PEAK1: variants seen among roughly 807,000 people sequenced by gnomAD.
PEAK1 encodes inactive tyrosine-protein kinase PEAK1.
A neutral mutation model predicts 124.7 loss-of-function variants in PEAK1; 54 were observed. The ratio of observed to expected loss-of-function variants is 0.43; its 90% CI spans 0.35 to 0.54. The LOEUF (loss-of-function observed/expected upper bound fraction) is 0.54. Among genes scored for constraint, PEAK1 ranks in the 20% least tolerant of loss-of-function variants. The pLI is 0.01. For synonymous variants in PEAK1, 719 were observed against 760.0 expected, an observed-to-expected ratio of 0.95 and a Z score of 0.89; for missense variants, 2,046 against 2,134.5, an observed-to-expected ratio of 0.96 and a Z score of 0.82.
intron 1 of PEAK1, among the ~76,000 whole-genome samples, chr15:77,384,267 T>C (rs1018405391): frequency 6.6e-5 from 10 of 152,090 alleles, no homozygotes; most frequent in African/African-American, 2.2e-4. Flanking sequence ...CAGCCACCTG[T>C]TTTAGATATT....
chr15:77,374,297 A>G (rs1256358214), intron 1 of PEAK1, among the ~76,000 whole-genome samples: 1 of 152,186 alleles, frequency 6.6e-6, no homozygotes, highest in African/African-American at 2.4e-5. Flanking sequence ...AGATACTTCT[A>G]ATTAGTTTTA....
At chr15:77,327,689 TA>T (rs1394666480) in intron 2 of PEAK1, among the ~76,000 whole-genome samples, 1 of 151,942 alleles carries the variant, frequency 6.6e-6, no homozygotes, top group South Asian at 2.1e-4. Flanking sequence ...CCTGAAAAAC[TA>T]AAACACTAAA....
At chr15:77,404,321 T>C (rs1263089257) in intron 1 of PEAK1, 5 of 985,380 alleles carry the variant, frequency 5.1e-6, no homozygotes, top group South Asian at 4.7e-5. Flanking sequence ...GGAAATTCCA[T>C]GTTCTAGGAC....
In PEAK1 at chr15:77,115,290, C is replaced by T. The variant is rs1409874320; in HGVS notation, c.4107G>A (p.Gln1369=). Residue 1369 remains glutamine (Q), a synonymous_variant, in exon 10 of 10, where the codon CAG becomes CAA. Coordinates refer to ENST00000682557, the MANE Select transcript of PEAK1 (RefSeq NM_001385026.1). ...GGACAGCCAAGCTGTGATAATACTG[C>T]TGAGATTCTTTAGCTTTGCTCTTAC... ...KICKSKAKES[Q]QYYHSLAVRQ... is the part of the protein sequence containing the mutation. The T allele has an allele frequency of 6.2e-7, 1 of 1,613,602 alleles. No homozygotes were observed. Among genetic ancestry groups the T allele is most frequent in the Non-Finnish European group, 8.5e-7 (1 of 1,179,570 alleles).
rs948862434 is a variant in PEAK1, at chr15:77,189,462, A to G, written c.-114-7422T>C. 3.9e-5 allele frequency among the ~76,000 whole-genome samples: 6 copies of G among 152,242 alleles called. No individual in the cohort carries two copies. In the East Asian group the frequency reaches 1.2e-3, roughly 29 times the overall value. ...ACACAGCAGCAGCAGCAGCAGCAGCACTGTCCACCATAGTGGAATTCCACC... is the reference window on the plus strand; with the variant it reads ...ACACAGCAGCAGCAGCAGCAGCAGCGCTGTCCACCATAGTGGAATTCCACC... On this transcript the variant is annotated intron_variant, in intron 6 of 9. Transcript: ENST00000682557.
chr15:77,104,837 T>C (rs977820404), downstream of PEAK1: 3 of 152,218 alleles, frequency 2.0e-5, no homozygotes, highest in African/African-American at 4.8e-5. Context: ...GGGATAATTC[T>C]AGAAACCACC....
intron 2 of PEAK1, among the ~76,000 whole-genome samples, chr15:77,359,385 A>G (rs1364768399): frequency 1.3e-5 from 2 of 151,748 alleles, no homozygotes; most frequent in South Asian, 2.1e-4. Flanking sequence ...GGCTGCAGTG[A>G]GCCATGTTCA....
At chr15:77,309,183 G>C (rs549389424) in intron 2 of PEAK1, among the ~76,000 whole-genome samples, 4 of 152,210 alleles carry the variant, frequency 2.6e-5, no homozygotes, top group Admixed American at 6.5e-5. Context: ...AGATGAATAT[G>C]TCTTTTCTCA....
intron 2 of PEAK1, among the ~76,000 whole-genome samples, chr15:77,316,512 T>C (rs1287187735): frequency 6.6e-6 from 1 of 152,204 alleles, no homozygotes; most frequent in African/African-American, 2.4e-5. Flanking sequence ...CTTACATAGC[T>C]CCCTGTACTG....
intron 1 of PEAK1, among the ~76,000 whole-genome samples, chr15:77,407,300 C>T (rs1419960706): frequency 1.3e-5 from 2 of 152,152 alleles, no homozygotes; most frequent in Non-Finnish European, 2.9e-5. Flanking sequence ...AGCTTCTGCA[C>T]AGCAAACGAA....
chr15:77,408,477 A>C (rs1298295828), intron 1 of PEAK1, among the ~76,000 whole-genome samples: 1 of 152,034 alleles, frequency 6.6e-6, no homozygotes, highest in Non-Finnish European at 1.5e-5. Flanking sequence ...AGAAATCACC[A>C]CTAAAGAACT....
chr15:77,116,029 C>G (rs1299041253), intron 9 of PEAK1, among the ~76,000 whole-genome samples: 21 of 152,018 alleles, frequency 1.4e-4, no homozygotes, highest in Admixed American at 1.4e-3. Flanking sequence ...CATTTAATAC[C>G]CACTATTGAG....
chr15:77,183,527 C>G (rs2057387973), intron 6 of PEAK1, among the ~76,000 whole-genome samples: 1 of 152,018 alleles, frequency 6.6e-6, no homozygotes, highest in African/African-American at 2.4e-5. Flanking sequence ...TAACTTTGAA[C>G]CCCCATCAAG....
chr15:77,217,154 G>C (rs1464636089), intron 6 of PEAK1, among the ~76,000 whole-genome samples: 1 of 144,228 alleles, frequency 6.9e-6, no homozygotes, highest in Non-Finnish European at 1.5e-5. Context: ...ACTTGAGTAT[G>C]AGATGTCGAG....
intron 1 of PEAK1, among the ~76,000 whole-genome samples, chr15:77,371,834 A>G (rs193124635): frequency 1.1e-3 from 161 of 152,356 alleles, no homozygotes; most frequent in Non-Finnish European, 1.6e-3. Context: ...CAGTGACCTG[A>G]GATCGCGCCA....
At position 77,108,448 on chromosome 15, in the gene PEAK1, T is replaced by C. The variant is rs1314842355; in HGVS notation, c.*5708A>G. 6.6e-6 allele frequency: 1 copy of C among 152,220 alleles called. No individual in the cohort carries two copies. Among genetic ancestry groups the C allele is most frequent in the East Asian group, 1.9e-4 (1 of 5,200 alleles). 9.4% of individuals were successfully genotyped at this position (152,220 alleles called of 1,614,324 possible). ...CAAGTAGAATGAAATCTTGCTTCTGTATTTGCCTCATGCCAAAATGCCCTG... is the reference window on the plus strand; with the variant it reads ...CAAGTAGAATGAAATCTTGCTTCTGCATTTGCCTCATGCCAAAATGCCCTG... On this transcript the variant is annotated 3_prime_UTR_variant, in exon 10 of 10. Coordinates refer to ENST00000682557, the MANE Select transcript of PEAK1 (RefSeq NM_001385026.1).
intron 2 of PEAK1, chr15:77,350,188 C>G (rs2067123052): frequency 1.1e-5 from 11 of 985,280 alleles, no homozygotes; most frequent in Non-Finnish European, 1.3e-5. Flanking sequence ...TACTAACTGG[C>G]AACACTGTTG....
At chr15:77,224,630 C>T (rs1441185199) in intron 6 of PEAK1, among the ~76,000 whole-genome samples, 1 of 152,020 alleles carries the variant, frequency 6.6e-6, no homozygotes, top group East Asian at 1.9e-4. Context: ...GCCAATATTT[C>T]CTGTTGTGCT....
At chr15:77,381,017 A>G (rs17470529) in intron 1 of PEAK1, among the ~76,000 whole-genome samples, 33,541 of 152,204 alleles carry the variant, frequency 0.22, 4,212 homozygotes, top group Middle Eastern at 0.3. Context: ...GATTTGCCTT[A>G]TTAGGTCAGC....
Sources: allele counts gnomAD v4.1 joint callset (sites outside exome capture counted in the v4.1 genomes callset), GRCh38; gene constraint gnomAD v4.1.1; transcripts MANE v1.5; gene names NCBI Gene and HGNC (gene_info 2026-07-23, HGNC 2026-07-21).